THRB: variants seen among roughly 807,000 people sequenced by gnomAD.
THRB encodes thyroid hormone receptor beta.
THRB carries 12 observed loss-of-function variants against 47.8 expected under a neutral mutation model. The observed-to-expected ratio is 0.25, with a 90% CI of 0.16 to 0.41. The LOEUF is 0.41. Among genes scored for constraint, THRB ranks in the 10% least tolerant of loss-of-function variants. The pLI, the probability that THRB is intolerant of heterozygous loss-of-function variation, is 1.00. For synonymous variants in THRB, 218 were observed against 212.2 expected (o/e 1.03, Z -0.24); for missense variants, 348 against 589.2 (o/e 0.59, Z 4.24).
intron 2 of THRB, among the ~76,000 whole-genome samples, chr3:24,316,630 T>C (rs545227524): frequency 8.5e-5 from 13 of 152,122 alleles, no homozygotes; most frequent in African/African-American, 3.1e-4. Flanking sequence ...CCAAACCAGA[T>C]CTCTCCAGAG....
At chr3:24,420,177 C>A (rs1397775394) in intron 1 of THRB, among the ~76,000 whole-genome samples, 1 of 151,838 alleles carries the variant, frequency 6.6e-6, no homozygotes, top group Non-Finnish European at 1.5e-5. Context: ...ACACATGTTA[C>A]CTCAGTGTCT....
intron 1 of THRB, among the ~76,000 whole-genome samples, chr3:24,441,184 C>A (rs1203231348): frequency 6.6e-6 from 1 of 152,192 alleles, no homozygotes; most frequent in Non-Finnish European, 1.5e-5. Flanking sequence ...CACTGTATGG[C>A]AATTTGCTCC....
In THRB at chr3:24,294,048, C is replaced by T. The variant is rs116750104; in HGVS notation, c.-43+3178G>A. Among the ~76,000 whole-genome samples the T allele has an allele frequency of 4.1e-3, 624 of 152,308 alleles. 2 individuals are homozygous for T. The highest frequency in any genetic ancestry group is 0.01 in the Middle Eastern group (3 of 294). Reference sequence around the variant, plus strand: ...CTCCTTCTCAATTGAGCTGACCCTGCGGCTTGCTTTGATCAACAGAGTGCA... The same window carrying T: ...CTCCTTCTCAATTGAGCTGACCCTGTGGCTTGCTTTGATCAACAGAGTGCA... On this transcript the variant is annotated intron_variant, in intron 3 of 10. Coordinates refer to ENST00000646209, the MANE Select transcript of THRB (RefSeq NM_001354712.2).
At chr3:24,272,640 T>C (rs927872833) in intron 3 of THRB, among the ~76,000 whole-genome samples, 7 of 152,178 alleles carry the variant, frequency 4.6e-5, no homozygotes, top group African/African-American at 1.7e-4. Flanking sequence ...CTCAAAACCA[T>C]AGCATGTAAG....
intron 4 of THRB, among the ~76,000 whole-genome samples, chr3:24,220,875 C>G (rs1469271048): frequency 2.6e-5 from 4 of 151,960 alleles, no homozygotes; most frequent in East Asian, 1.9e-4. Flanking sequence ...TCTTTGGGAA[C>G]TGATGGTCCA....
chr3:24,436,044 G>A (rs777810059), intron 1 of THRB, among the ~76,000 whole-genome samples: 20 of 152,122 alleles, frequency 1.3e-4, no homozygotes, highest in Admixed American at 5.2e-4. Flanking sequence ...TGACACTTAC[G>A]TACTGAGACC....
chr3:24,427,732 G>A (rs2069910215), intron 1 of THRB, among the ~76,000 whole-genome samples: 2 of 151,970 alleles, frequency 1.3e-5, no homozygotes, highest in Non-Finnish European at 2.9e-5. Context: ...TAAGCTAATA[G>A]AGAGTATTAA....
chr3:24,442,131 T>C (rs1218895648), intron 1 of THRB, among the ~76,000 whole-genome samples: 1 of 152,210 alleles, frequency 6.6e-6, no homozygotes, highest in East Asian at 1.9e-4. Context: ...AAGTAAAAAG[T>C]GCTTCAGTGT....
intron 1 of THRB, among the ~76,000 whole-genome samples, chr3:24,425,862 T>G (rs905485300): frequency 6.6e-6 from 1 of 151,832 alleles, no homozygotes; most frequent in Non-Finnish European, 1.5e-5. Flanking sequence ...CAAACAGAAA[T>G]AACAAAAATA....
intron 8 of THRB, among the ~76,000 whole-genome samples, chr3:24,138,556 A>G (rs1046183565): frequency 6.6e-6 from 1 of 152,166 alleles, no homozygotes; most frequent in Non-Finnish European, 1.5e-5. Context: ...AAGAAGTCAC[A>G]CTTAAAAAAG....
chr3:24,217,539 A>T (rs1172259860), intron 4 of THRB, among the ~76,000 whole-genome samples: 1 of 149,638 alleles, frequency 6.7e-6, no homozygotes, highest in Non-Finnish European at 1.5e-5. Context: ...GTTGGGAGAA[A>T]ATAAGAGGAT....
At chr3:24,186,884 G>T (rs1387441668) in intron 5 of THRB, among the ~76,000 whole-genome samples, 1 of 142,404 alleles carries the variant, frequency 7.0e-6, no homozygotes, top group Non-Finnish European at 1.5e-5. Context: ...GGTAGAGGTT[G>T]CAGTGAGCCG....
intron 5 of THRB, among the ~76,000 whole-genome samples, chr3:24,161,655 G>C (rs62255842): frequency 0.017 from 599 of 34,628 alleles, 7 homozygotes; most frequent in African/African-American, 0.032. Flanking sequence ...CACACACACA[G>C]ACAGAATTCT....
intron 7 of THRB, 160 bp from the exon 8 acceptor site, chr3:24,143,866 A>G (rs977242960): frequency 1.4e-6 from 1 of 704,886 alleles, no homozygotes; most frequent in Non-Finnish European, 2.5e-6. Context: ...CCTCACCAGC[A>G]AACTGCCATT....
At chr3:24,195,006 G>A (rs932259144) in intron 4 of THRB, among the ~76,000 whole-genome samples, 1 of 152,206 alleles carries the variant, frequency 6.6e-6, no homozygotes, top group Non-Finnish European at 1.5e-5. Context: ...AGGGGTGTGT[G>A]TATAAAACGT....
intron 5 of THRB, among the ~76,000 whole-genome samples, chr3:24,172,723 A>G (rs1445671126): frequency 6.6e-6 from 1 of 152,190 alleles, no homozygotes; most frequent in Non-Finnish European, 1.5e-5. Context: ...AGTCTCAGGG[A>G]CCAAGCTGAT....
At chr3:24,227,211 C>T (rs757230280) in intron 4 of THRB, among the ~76,000 whole-genome samples, 1 of 152,186 alleles carries the variant, frequency 6.6e-6, no homozygotes, top group Non-Finnish European at 1.5e-5. Flanking sequence ...CCTCCTTTAT[C>T]AGAAAGGAAT....
intron 2 of THRB, among the ~76,000 whole-genome samples, chr3:24,336,581 C>T (rs1212090050): frequency 6.6e-6 from 1 of 152,178 alleles, no homozygotes; most frequent in Non-Finnish European, 1.5e-5. Flanking sequence ...ACCCAGTGAT[C>T]TGAATGGTTG....
intron 1 of THRB, among the ~76,000 whole-genome samples, chr3:24,390,791 A>ATAT (rs1577266619): frequency 1.5e-5 from 1 of 64,894 alleles, no homozygotes; most frequent in Admixed American, 2.0e-4. Flanking sequence ...TTGTAAAAAA[A>ATAT]AAAAAAATAT....
Sources: allele counts gnomAD v4.1 joint callset (sites outside exome capture counted in the v4.1 genomes callset), GRCh38; gene constraint gnomAD v4.1.1; transcripts MANE v1.5; gene names NCBI Gene and HGNC (gene_info 2026-07-23, HGNC 2026-07-21).